The following RGL1 variants were observed in gnomAD, a reference collection of about 807,000 sequenced individuals.
The protein encoded by RGL1 is ral guanine nucleotide dissociation stimulator like 1.
Under a neutral mutation model 95.2 loss-of-function variants are expected in RGL1, and 24 were observed. That is an observed-to-expected ratio of 0.25 (90% CI 0.18 to 0.35). The LOEUF is 0.35. RGL1 is among the 10% of genes least tolerant of loss of function. The pLI is 1.00. For missense variants in RGL1, 715 were observed against 936.3 expected (o/e 0.76, Z 3.08); for synonymous variants, 329 against 344.9 (o/e 0.95, Z 0.51).
chr1:183,785,891 C>T (rs1660132077), intron 2 of RGL1, among the ~76,000 whole-genome samples: 1 of 152,054 alleles, frequency 6.6e-6, no homozygotes, highest in Non-Finnish European at 1.5e-5. Flanking sequence ...TTGAGACCAG[C>T]CTGGGCAACA....
intron 2 of RGL1, among the ~76,000 whole-genome samples, chr1:183,763,696 A>G (rs1658821882): frequency 1.3e-5 from 2 of 152,230 alleles, no homozygotes; most frequent in Admixed American, 6.5e-5. Flanking sequence ...TTATCTATAA[A>G]GTGGGTACAC....
chr1:183,819,060 A>G (rs1305787821), intron 2 of RGL1, among the ~76,000 whole-genome samples: 4 of 152,350 alleles, frequency 2.6e-5, no homozygotes, highest in Non-Finnish European at 5.9e-5. Context: ...TGGGTCAAGG[A>G]TAGACCTCTG....
Position 183,657,559 on chromosome 1 carries a change from C to T in RGL1, c.-33+21058C>T, listed in dbSNP as rs35290369. On this transcript the variant is annotated intron_variant, in intron 1 of 18. Transcript: ENST00000304685. ...TGCAGTGTTTGGTTTTTTGTCCTTG[C>T]GATAGTTTGCTGAGAATGATGGTTT... Among the ~76,000 whole-genome samples the T allele has an allele frequency of 2.4e-4, 36 of 151,872 alleles. No individual in the cohort carries two copies. The South Asian group carries it at 6.5e-3, about 27-fold the overall frequency.
intron 1 of RGL1, chr1:183,646,857 G>A (rs1650329249): frequency 6.6e-6 from 1 of 152,172 alleles, no homozygotes; most frequent in African/African-American, 2.4e-5. Flanking sequence ...TGGGTAATGT[G>A]CTAGATCCTA....
intron 2 of RGL1, among the ~76,000 whole-genome samples, chr1:183,784,692 C>T (rs1035072148): frequency 6.6e-6 from 1 of 152,182 alleles, no homozygotes; most frequent in African/African-American, 2.4e-5. Flanking sequence ...TCAGGGTTCA[C>T]TGCTGGCTAA....
At chr1:183,684,373 A>T (rs1035461644) in intron 1 of RGL1, among the ~76,000 whole-genome samples, 1 of 151,816 alleles carries the variant, frequency 6.6e-6, no homozygotes, top group African/African-American at 2.4e-5. Context: ...CTTTTTGTTG[A>T]TGTTTATGCT....
chr1:183,825,071 T>C (rs1662755986), intron 2 of RGL1, among the ~76,000 whole-genome samples: 1 of 151,894 alleles, frequency 6.6e-6, no homozygotes, highest in Non-Finnish European at 1.5e-5. Context: ...GAGGGAGGAG[T>C]CAAAGATAAT....
intron 9 of RGL1, among the ~76,000 whole-genome samples, chr1:183,894,353 C>T (rs1348943542): frequency 2.6e-5 from 4 of 152,314 alleles, no homozygotes; most frequent in African/African-American, 7.2e-5. Flanking sequence ...AGTTACCCCC[C>T]GTACTCTAAA....
intron 2 of RGL1, among the ~76,000 whole-genome samples, chr1:183,753,874 G>A (rs1485613405): frequency 6.6e-6 from 1 of 151,902 alleles, no homozygotes; most frequent in Non-Finnish European, 1.5e-5. Context: ...GGGTCTCAGT[G>A]TACTATCTGT....
chr1:183,739,170 A>C (rs1265077871), intron 1 of RGL1, among the ~76,000 whole-genome samples: 2 of 152,262 alleles, frequency 1.3e-5, no homozygotes, highest in East Asian at 3.8e-4. Context: ...TTGAGATGTC[A>C]GTAAAAAGGA....
intron 2 of RGL1, among the ~76,000 whole-genome samples, chr1:183,818,978 C>A (rs774376227): frequency 2.0e-5 from 3 of 152,130 alleles, no homozygotes; most frequent in Non-Finnish European, 2.9e-5. Flanking sequence ...ATGACAGTAA[C>A]CTTTATAGAT....
chr1:183,654,051 T>C (rs1314347043), intron 1 of RGL1, among the ~76,000 whole-genome samples: 2 of 152,308 alleles, frequency 1.3e-5, no homozygotes, highest in East Asian at 3.9e-4. Flanking sequence ...TAAGCAGACA[T>C]ACTCTAAAAA....
intron 2 of RGL1, among the ~76,000 whole-genome samples, chr1:183,809,744 A>C (rs1661578325): frequency 6.6e-6 from 1 of 152,156 alleles, no homozygotes; most frequent in Admixed American, 6.5e-5. Context: ...CTGGGAGCTC[A>C]AGACCAGCCT....
At chr1:183,681,674 A>G (rs1653224388) in intron 1 of RGL1, among the ~76,000 whole-genome samples, 1 of 152,286 alleles carries the variant, frequency 6.6e-6, no homozygotes, top group East Asian at 1.9e-4. Flanking sequence ...TGGTATCAGG[A>G]TGATGCTGGC....
At chr1:183,640,025 A>T (rs1016281863) in intron 1 of RGL1, among the ~76,000 whole-genome samples, 2 of 152,048 alleles carry the variant, frequency 1.3e-5, no homozygotes, top group African/African-American at 4.8e-5. Context: ...TATTTTTAGT[A>T]GAGACGGGGT....
chr1:183,786,436 C>A (rs1660183859), intron 2 of RGL1, among the ~76,000 whole-genome samples: 1 of 152,220 alleles, frequency 6.6e-6, no homozygotes, highest in Non-Finnish European at 1.5e-5. Flanking sequence ...TGCTTGAGAC[C>A]AGAAATGTTT....
chr1:183,884,419 C>T (rs546759161), intron 6 of RGL1, among the ~76,000 whole-genome samples: 6 of 152,064 alleles, frequency 3.9e-5, no homozygotes, highest in African/African-American at 1.2e-4. Context: ...TTTCATAGGT[C>T]GGTGTTAGAT....
At chr1:183,925,168 C>T (rs1190487487) in intron 17 of RGL1, among the ~76,000 whole-genome samples, 1 of 152,160 alleles carries the variant, frequency 6.6e-6, no homozygotes, top group Non-Finnish European at 1.5e-5. Context: ...GCTGCTCCTT[C>T]TGCACTTGGA....
intron 2 of RGL1, among the ~76,000 whole-genome samples, chr1:183,762,167 A>C (rs1658701035): frequency 6.6e-6 from 1 of 152,202 alleles, no homozygotes; most frequent in African/African-American, 2.4e-5. Context: ...CCTTTGCATT[A>C]ACAGCTTGGC....
Sources: gnomAD v4.1 joint callset for allele counts (sites outside exome capture counted in the v4.1 genomes callset) on GRCh38, gnomAD v4.1.1 for gene constraint, MANE v1.5 for transcripts, NCBI Gene and HGNC (gene_info 2026-07-23, HGNC 2026-07-21) for gene names.